The following CTSF variants were observed in gnomAD, a reference collection of about 807,000 sequenced individuals.
CTSF encodes the protein cathepsin F.
In CTSF, 65 loss-of-function variants were observed where a neutral mutation model predicts 63.5. The ratio of observed to expected loss-of-function variants is 1.02; its 90% CI spans 0.84 to 1.26. CTSF has a LOEUF of 1.26. CTSF is among the 50% of genes most tolerant of loss of function. The pLI is 0.00. For missense variants in CTSF, 641 were observed against 631.0 expected (o/e 1.02, Z -0.17); for synonymous variants, 256 against 258.1 (o/e 0.99, Z 0.08).
Position 66,563,985 on chromosome 11 carries a change from C to A in CTSF, c.1403G>T (p.Gly468Val), listed in dbSNP as rs2134948530. 1 of 1,613,790 alleles carries A rather than the reference C, an allele frequency of 6.2e-7. No individual in the cohort carries two copies. Among genetic ancestry groups the A allele is most frequent in the Non-Finnish European group, 8.5e-7 (1 of 1,180,012 alleles). Reference protein sequence around the residue: ...GEKGYYYLHRGSGACGVNTMA... With the variant: ...GEKGYYYLHRVSGACGVNTMA... ...GGTGTTCACGCCACAGGCCCCGGACCCACGATGCAAGTAGTAGTAACCCTG... is the reference window on the plus strand; with the variant it reads ...GGTGTTCACGCCACAGGCCCCGGACACACGATGCAAGTAGTAGTAACCCTG... The change falls in exon 13 of 13, where the codon GGG (glycine) becomes GTG (valine). Residue 468 changes from glycine (G) to valine (V), a missense_variant. Physicochemically the swap from Gly to Val is moderately radical, Grantham distance 109. Transcript: ENST00000310325.
Position 66,564,983 on chromosome 11 carries a change from A to G in CTSF, c.1069T>C (p.Tyr357His), listed in dbSNP as rs746404498. 4 of 1,578,822 alleles carry G rather than the reference A, an allele frequency of 2.5e-6. No individual in the cohort carries two copies. Among genetic ancestry groups the G allele is most frequent in the Non-Finnish European group, 3.5e-6 (4 of 1,158,338 alleles). Residue 357 changes from tyrosine to histidine, a missense_variant, in exon 9 of 13, where the codon TAC becomes CAC. By Grantham distance (83) the Tyr-to-His change is moderately conservative. Transcript: ENST00000310325. The stretch of plus-strand genomic sequence containing the variant: ...GACTGCATGTGACCCTGGTAGCTGT[A>G]GTCATCCTCTGTCTCCAGCCCTCCT... ...NLGGLETEDD[Y>H]SYQGHMQSCN...
At chr11:66,568,215 G>A in intron 1 of CTSF, 59 bp downstream of exon 1, 1 of 1,527,678 alleles carries the variant, frequency 6.5e-7, no homozygotes, top group Non-Finnish European at 8.8e-7. Context: ...CCAATGTTAG[G>A]TCAAAGCTCC....
rs368626946 is a variant in CTSF, at chr11:66,566,097, G to C, written c.792C>G (p.Ala264=). ...RKEPGNKMKQ[A]KSVGDLAPPE... is the part of the protein sequence containing the mutation. ...GTGGGGCGAGGTCACCCACAGACTT[G>C]GCTTGCTTCATCTTGTTGCCAGGCT... is the stretch of plus-strand genomic sequence containing the variant. The change falls in exon 6 of 13, where the codon GCC becomes GCG. Residue 264 remains alanine, a synonymous_variant. Transcript: ENST00000310325. The C allele has an allele frequency of 1.9e-6, 3 of 1,614,014 alleles. No homozygotes were observed. In the African/African-American group the frequency reaches 4.0e-5, roughly 22 times the overall value.
intron 10 of CTSF, 33 bp from the exon 11 acceptor site, chr11:66,564,681 C>G: frequency 1.9e-6 from 3 of 1,612,936 alleles, no homozygotes; most frequent in Non-Finnish European, 2.5e-6. Context: ...GGATCGACTC[C>G]AAGAAGAGGT....
chr11:66,564,557 C>G lies in CTSF; in HGVS notation c.1321+1G>C, dbSNP rs534376817. 1.3e-6 allele frequency: 2 copies of G among 1,551,146 alleles called. No individual in the cohort carries two copies. Among genetic ancestry groups the G allele is most frequent in the Non-Finnish European group, 1.7e-6 (2 of 1,147,434 alleles). On this transcript the variant is annotated splice_donor_variant, in intron 11 of 12. Transcript: ENST00000310325. LOFTEE classifies it high-confidence loss of function. Reference sequence around the variant, plus strand: ...GATGCAGGACAGGCAGCGGAACTCACGGTTGCCGTAGCCCACAAGCAACAC... The same window carrying G: ...GATGCAGGACAGGCAGCGGAACTCAGGGTTGCCGTAGCCCACAAGCAACAC...
rs1228804097 is a variant in CTSF at position 66,566,355 on chromosome 11, C to A, written c.657G>T (p.Gln219His). 1 of 1,614,156 alleles carries A rather than the reference C, an allele frequency of 6.2e-7. No individual in the cohort carries two copies. Among genetic ancestry groups the A allele is most frequent in the Non-Finnish European group, 8.5e-7 (1 of 1,180,030 alleles). Residue 219 changes from glutamine to histidine, a missense_variant, in exon 5 of 13, where the codon CAG (glutamine) becomes CAT (histidine). Transcript: ENST00000310325. ...TGCCACGGTCCAGGGCCTGGATCTT[C>A]TGTGCTCGCACCATGTTATTGACAA... ...SVFVNNMVRA[Q>H]KIQALDRGTA... is the part of the protein sequence containing the mutation.
chr11:66,567,143 G>C lies in CTSF; in HGVS notation c.607+103C>G, dbSNP rs1047126168. ...TCAGGAATTATGGGGTCCTTGAACAGGTACACTGCCTCTTGTCTTTCTCCT... is the reference window on the plus strand; with the variant it reads ...TCAGGAATTATGGGGTCCTTGAACACGTACACTGCCTCTTGTCTTTCTCCT... On this transcript the variant is annotated intron_variant, in intron 4 of 12. Coordinates refer to ENST00000310325, the MANE Select transcript of CTSF (RefSeq NM_003793.4). The C allele has an allele frequency of 5.7e-6, 7 of 1,219,700 alleles. No homozygotes were observed. In the African/African-American group the frequency reaches 1.0e-4, roughly 18 times the overall value. 75.6% of individuals were successfully genotyped at this position (1,219,700 alleles called of 1,614,324 possible).
At chr11:66,566,586 T>G (rs1197887234) in intron 4 of CTSF, among the ~76,000 whole-genome samples, 182 bp from the exon 5 acceptor site, 1 of 151,994 alleles carries the variant, frequency 6.6e-6, no homozygotes, top group East Asian at 1.9e-4. Context: ...ACTTCCCAGG[T>G]GCAAAAGCAG....
rs572921647 is a variant in CTSF at position 66,566,512 on chromosome 11, G to T, written c.608-108C>A. On this transcript the variant is annotated intron_variant, in intron 4 of 12. Coordinates refer to ENST00000310325, the MANE Select transcript of CTSF (RefSeq NM_003793.4). ...TCCCCGGGGAGCAGGTAGGGGTGGG[G>T]GCCAGACATGCAAGTGATGGAGTGG... 139 of 957,178 alleles carry T rather than the reference G, an allele frequency of 1.5e-4. 1 individual carries two copies. The South Asian group carries it at 1.9e-3, about 13-fold the overall frequency. The allele number at this position is 957,178 out of a possible 1,614,324, so 59.3% of individuals were successfully genotyped here. A position where few individuals can be genotyped will look rare whatever the true frequency, so the allele number is the denominator to read the frequency against.
At chr11:66,568,107 G>C (rs1405981461) in intron 1 of CTSF, 25 bp from the exon 2 acceptor site, 2 of 1,601,248 alleles carry the variant, frequency 1.2e-6, no homozygotes, top group Admixed American at 3.5e-5. Context: ...AGGTGAGGCG[G>C]GCACAGTCGG....
At chr11:66,564,711 T>TGGGGCA (rs776552555) in intron 10 of CTSF, 31 bp downstream of exon 10, 8 of 1,612,910 alleles carry the variant, frequency 5.0e-6, no homozygotes, top group Non-Finnish European at 6.8e-6. Context: ...CAACAAGAGA[T>TGGGGCA]GGGGCAGGGG....
At chr11:66,566,474 G>A in intron 4 of CTSF, 70 bp from the exon 5 acceptor site, 2 of 1,427,028 alleles carry the variant, frequency 1.4e-6, no homozygotes, top group South Asian at 2.4e-5. Context: ...ATTGGGGCTA[G>A]CAGGCAGGGG....
Position 66,564,949 on chromosome 11 carries a change from A to C in CTSF, c.1103T>G (p.Phe368Cys). ...SYQGHMQSCN[F>C]SAEKAKVYIN... ...GTAGACCTTGGCCTTCTCTGCTGAG[A>C]AGTTGCAGGACTGCATGTGACCCTG... Residue 368 changes from phenylalanine (F) to cysteine (C), a missense_variant, in exon 9 of 13, where the codon TTC becomes TGC. Physicochemically the swap from Phe to Cys is radical, Grantham distance 205. Coordinates refer to ENST00000310325, the MANE Select transcript of CTSF (RefSeq NM_003793.4). 6.2e-7 allele frequency: 1 copy of C among 1,601,012 alleles called. No individual in the cohort carries two copies. Among genetic ancestry groups the C allele is most frequent in the Non-Finnish European group, 8.5e-7 (1 of 1,170,894 alleles).
At chr11:66,567,189 G>C in intron 4 of CTSF, 57 bp downstream of exon 4, 2 of 1,573,478 alleles carry the variant, frequency 1.3e-6, no homozygotes, top group Non-Finnish European at 1.7e-6. Context: ...AAGGTGCCAA[G>C]TTGGGGGGAA....
chr11:66,563,871 C>CATG lies in CTSF; in HGVS notation c.*59_*61dup, dbSNP rs1857863255. On this transcript the variant is annotated 3_prime_UTR_variant, in exon 13 of 13. Transcript: ENST00000310325. Reference sequence around the variant, plus strand: ...TACCTCCCGGGGAGGGGCCTGGACACATGTCAGGCTGGGGCAGCAGCCACT... The same window carrying CATG: ...TACCTCCCGGGGAGGGGCCTGGACACATGATGTCAGGCTGGGGCAGCAGCCACT... The CATG allele has an allele frequency of 2.5e-6, 4 of 1,597,916 alleles. No individual in the cohort carries two copies. Among genetic ancestry groups the CATG allele is most frequent in the Non-Finnish European group, 3.4e-6 (4 of 1,170,406 alleles).
Position 66,563,946 on chromosome 11 carries a change from G to T in CTSF, c.1442C>A (p.Ala481Glu). The change falls in exon 13 of 13, where the codon GCG (alanine) becomes GAG (glutamate). Residue 481 changes from alanine (A) to glutamate (E), a missense_variant. Coordinates refer to ENST00000310325, the MANE Select transcript of CTSF (RefSeq NM_003793.4). ...GGGGGCCCCTCTTCAGTCCACCACCGCCGAGCTGGCCATGGTGTTCACGCC... is the reference window on the plus strand; with the variant it reads ...GGGGGCCCCTCTTCAGTCCACCACCTCCGAGCTGGCCATGGTGTTCACGCC... ...ACGVNTMASS[A>E]VVD 1 of 1,612,978 alleles carries T rather than the reference G, an allele frequency of 6.2e-7. No homozygotes were observed.
chr11:66,568,144 C>T, intron 1 of CTSF, 62 bp from the exon 2 acceptor site: 1 of 1,574,128 alleles, frequency 6.4e-7, no homozygotes, highest in East Asian at 2.4e-5. Flanking sequence ...AGGCCCCGCC[C>T]GTGCGGCGCT....
Position 66,568,321 on chromosome 11 carries a change from C to A in CTSF, c.166G>T (p.Ala56Ser). 1 of 1,319,738 alleles carries A rather than the reference C, an allele frequency of 7.6e-7. No homozygotes were observed. Among genetic ancestry groups the A allele is most frequent in the Non-Finnish European group, 9.6e-7 (1 of 1,045,178 alleles). The allele number at this position is 1,319,738 out of a possible 1,614,324, so 81.8% of individuals were successfully genotyped here. The change falls in exon 1 of 13, where the codon GCG becomes TCG. Residue 56 changes from alanine to serine, a missense_variant. Coordinates refer to ENST00000310325, the MANE Select transcript of CTSF (RefSeq NM_003793.4). Reference protein sequence around the residue: ...ALEMFNRGRAAGTRAVLGLVR... With the variant: ...ALEMFNRGRASGTRAVLGLVR... ...AGGCCCAGCACGGCCCGCGTCCCCG[C>A]AGCCCGGCCGCGGTTGAACATCTCC... is the stretch of plus-strand genomic sequence containing the variant.
intron 4 of CTSF, among the ~76,000 whole-genome samples, chr11:66,567,019 C>T (rs1369685738): frequency 1.3e-5 from 2 of 152,120 alleles, no homozygotes; most frequent in South Asian, 2.1e-4. Flanking sequence ...TGAGCCACCA[C>T]GCCCGGCCAA....
Sources: allele counts gnomAD v4.1 joint callset (sites outside exome capture counted in the v4.1 genomes callset), GRCh38; gene constraint gnomAD v4.1.1; transcripts MANE v1.5; gene names NCBI Gene and HGNC (gene_info 2026-07-23, HGNC 2026-07-21).